Variants in ATRNL1 observed in about 807,000 individuals in gnomAD.
ATRNL1 encodes the protein attractin like 1.
ATRNL1 carries 95 observed loss-of-function variants against 182.7 expected under a neutral mutation model. The ratio of observed to expected loss-of-function variants is 0.52; its 90% CI spans 0.44 to 0.62. ATRNL1 has a LOEUF of 0.62. Among genes scored for constraint, ATRNL1 ranks in the 20% least tolerant of loss-of-function variants. The pLI, the probability that ATRNL1 is intolerant of heterozygous loss-of-function variation, is 0.00. For missense variants in ATRNL1, 1,471 were observed against 1,679.5 expected (o/e 0.88, Z 2.17); for synonymous variants, 576 against 568.3 (o/e 1.01, Z -0.19).
At position 115,944,896 on chromosome 10, in the gene ATRNL1, C is replaced by G. The variant is rs1565507768; in HGVS notation, c.*117C>G. On this transcript the variant is annotated 3_prime_UTR_variant, in exon 29 of 29. Transcript: ENST00000355044. ...CTCTGTATCATCCAGAGCCTGAGTACAGTTTCCTTCCAAATGGACAATGAC... is the reference window on the plus strand; with the variant it reads ...CTCTGTATCATCCAGAGCCTGAGTAGAGTTTCCTTCCAAATGGACAATGAC... 1 of 1,210,304 alleles carries G rather than the reference C, an allele frequency of 8.3e-7. No individual in the cohort carries two copies. The highest frequency in any genetic ancestry group is 1.5e-5 in the African/African-American group (1 of 64,964). The allele number at this position is 1,210,304 out of a possible 1,614,324, so 75.0% of individuals were successfully genotyped here.
At chr10:115,705,730 G>A (rs1946877127) in intron 26 of ATRNL1, among the ~76,000 whole-genome samples, 1 of 151,888 alleles carries the variant, frequency 6.6e-6, no homozygotes. Context: ...AAAGATTTCA[G>A]ATTTGTAGAG....
intron 1 of ATRNL1, among the ~76,000 whole-genome samples, chr10:115,111,437 A>G (rs1844252179): frequency 6.6e-6 from 1 of 152,226 alleles, no homozygotes. Flanking sequence ...TACAAGAAGC[A>G]TGGCACCAGC....
chr10:115,580,530 A>G (rs1175474766), intron 26 of ATRNL1, among the ~76,000 whole-genome samples: 1 of 151,888 alleles, frequency 6.6e-6, no homozygotes, highest in African/African-American at 2.4e-5. Context: ...TCGGTCTTTA[A>G]CTTTTGTCAA....
rs782771294 is a variant in ATRNL1 at position 115,215,827 on chromosome 10, C to A, written c.1479C>A (p.Asn493Lys). The A allele has an allele frequency of 2.5e-6, 4 of 1,599,132 alleles. No individual in the cohort carries two copies. The highest frequency in any genetic ancestry group is 3.4e-6 in the Non-Finnish European group (4 of 1,174,614). ...VHGGYKALPG[N>K]KYGLVDDLYK... ...GAGGGTATAAAGCATTGCCAGGGAACAAATATGGATTGGTTGATGATCTTT... is the reference window on the plus strand; with the variant it reads ...GAGGGTATAAAGCATTGCCAGGGAAAAAATATGGATTGGTTGATGATCTTT... Residue 493 changes from asparagine to lysine, a missense_variant, in exon 9 of 29, where the codon AAC becomes AAA. By Grantham distance (94) the Asn-to-Lys change is moderately conservative. Coordinates refer to ENST00000355044, the MANE Select transcript of ATRNL1 (RefSeq NM_207303.4).
chr10:115,268,242 A>G (rs1851689895), intron 12 of ATRNL1, 84 bp from the exon 13 acceptor site: 2 of 787,032 alleles, frequency 2.5e-6, no homozygotes, highest in Admixed American at 4.2e-5. Flanking sequence ...GTGATTCTTA[A>G]TGATTCTTAA....
chr10:115,587,416 G>A (rs1855606929), intron 26 of ATRNL1, among the ~76,000 whole-genome samples: 3 of 151,796 alleles, frequency 2.0e-5, no homozygotes, highest in Admixed American at 6.6e-5. Context: ...GTGAGACTCC[G>A]TGGGCATAGG....
chr10:115,410,620 C>G (rs1845088707), intron 20 of ATRNL1, among the ~76,000 whole-genome samples: 1 of 151,602 alleles, frequency 6.6e-6, no homozygotes, highest in African/African-American at 2.4e-5. Flanking sequence ...CACCTGGCCT[C>G]TCTCTCTCTG....
intron 5 of ATRNL1, among the ~76,000 whole-genome samples, chr10:115,138,087 A>C (rs1845596955): frequency 6.6e-6 from 1 of 152,134 alleles, no homozygotes; most frequent in South Asian, 2.1e-4. Context: ...CTCCAAAATG[A>C]TCTCCTTTGA....
At chr10:115,171,447 G>GTTAGAT in intron 8 of ATRNL1, 155 bp downstream of exon 8, 2 of 618,160 alleles carry the variant, frequency 3.2e-6, no homozygotes, top group Non-Finnish European at 4.9e-6. Context: ...TTTTGATTAT[G>GTTAGAT]TTAGATTTTG....
At chr10:115,304,687 A>G (rs1382138663) in intron 17 of ATRNL1, among the ~76,000 whole-genome samples, 1 of 152,042 alleles carries the variant, frequency 6.6e-6, no homozygotes, top group Non-Finnish European at 1.5e-5. Context: ...TAGCCCTCGG[A>G]AAAAAACTGG....
chr10:115,417,136 T>C (rs1554961022), intron 20 of ATRNL1, among the ~76,000 whole-genome samples: 1 of 152,190 alleles, frequency 6.6e-6, no homozygotes, highest in African/African-American at 2.4e-5. Context: ...AGCCCAGAAA[T>C]GGCCCTGATC....
chr10:115,475,607 C>T (rs1438790974), intron 24 of ATRNL1, among the ~76,000 whole-genome samples: 1 of 151,232 alleles, frequency 6.6e-6, no homozygotes, highest in Non-Finnish European at 1.5e-5. Flanking sequence ...CTTCAATTAC[C>T]CAATCTATAA....
intron 8 of ATRNL1, among the ~76,000 whole-genome samples, chr10:115,214,041 TACACAC>T (rs149167399): frequency 0.023 from 3,396 of 147,194 alleles, 50 homozygotes; most frequent in South Asian, 0.036. Flanking sequence ...TACAAATATG[TACACAC>T]ACACACACAC....
At chr10:115,594,154 A>C (rs1856086428) in intron 26 of ATRNL1, among the ~76,000 whole-genome samples, 1 of 152,078 alleles carries the variant, frequency 6.6e-6, no homozygotes, top group Non-Finnish European at 1.5e-5. Context: ...GAAGAGGGAG[A>C]AACACTTAGT....
At chr10:115,392,535 T>C (rs1483671925) in intron 19 of ATRNL1, among the ~76,000 whole-genome samples, 18 of 152,190 alleles carry the variant, frequency 1.2e-4, no homozygotes, top group African/African-American at 4.3e-4. Flanking sequence ...GTTCTTTCAT[T>C]CTTAGCCTAG....
chr10:115,519,772 C>T (rs1850825692), intron 25 of ATRNL1, among the ~76,000 whole-genome samples: 1 of 152,094 alleles, frequency 6.6e-6, no homozygotes, highest in African/African-American at 2.4e-5. Context: ...GCTACATGTC[C>T]TAAAGTTAAA....
At chr10:115,581,298 C>A (rs1410310930) in intron 26 of ATRNL1, among the ~76,000 whole-genome samples, 1 of 152,034 alleles carries the variant, frequency 6.6e-6, no homozygotes, top group Non-Finnish European at 1.5e-5. Flanking sequence ...TGCCCCAAGA[C>A]AGACAAGATA....
At chr10:115,778,856 C>T (rs1949193471) in intron 27 of ATRNL1, among the ~76,000 whole-genome samples, 2 of 152,014 alleles carry the variant, frequency 1.3e-5, no homozygotes, top group South Asian at 4.1e-4. Flanking sequence ...AGGACGTGAA[C>T]CAAGGACACT....
Position 115,822,849 on chromosome 10 carries a change from G to A in ATRNL1, c.3904-25028G>A, listed in dbSNP as rs557013210. Among the ~76,000 whole-genome samples the A allele has an allele frequency of 2.6e-5, 4 of 152,156 alleles. No homozygotes were observed. In the East Asian group the frequency reaches 7.7e-4, roughly 29 times the overall value. On this transcript the variant is annotated intron_variant, in intron 27 of 28. Transcript: ENST00000355044. ...GGGTTCACAGCCGAATTCTACCAGA[G>A]GTACAAAAAGGAGCTGGTACCATTC...
Sources: gnomAD v4.1 joint callset for allele counts (sites outside exome capture counted in the v4.1 genomes callset) on GRCh38, gnomAD v4.1.1 for gene constraint, MANE v1.5 for transcripts, NCBI Gene and HGNC (gene_info 2026-07-23, HGNC 2026-07-21) for gene names.